The following DACH2 variants were observed in gnomAD, a reference collection of about 807,000 sequenced individuals.
DACH2 encodes the protein dachshund family transcription factor 2.
A neutral mutation model predicts 35.8 loss-of-function variants in DACH2; 17 were observed. The ratio of observed to expected loss-of-function variants is 0.48; its 90% CI spans 0.33 to 0.71. DACH2 has a LOEUF of 0.71. Among genes scored for constraint, DACH2 ranks in the 30% least tolerant of loss-of-function variants. The pLI is 0.02. For missense variants in DACH2, 469 were observed against 472.7 expected, an observed-to-expected ratio of 0.99 and a Z score of 0.07; for synonymous variants, 195 against 177.3, an observed-to-expected ratio of 1.10 and a Z score of -0.79.
At chrX:86,596,136 ATT>A (rs959117669) in intron 3 of DACH2, among the ~76,000 whole-genome samples, 1 of 112,172 alleles carries the variant, frequency 8.9e-6, no homozygotes, top group African/African-American at 3.2e-5. Context: ...ATACAGATAT[ATT>A]ACAATTTTTT....
intron 4 of DACH2, among the ~76,000 whole-genome samples, chrX:86,661,850 G>A (rs775527089): frequency 8.9e-6 from 1 of 111,910 alleles, no homozygotes; most frequent in South Asian, 3.7e-4. Flanking sequence ...GCATTTCCTG[G>A]ATACTCTGCA....
Position 86,621,405 on chromosome X carries a change from G to A in DACH2, c.641-29631G>A, listed in dbSNP as rs895031917. On this transcript the variant is annotated intron_variant, in intron 3 of 11. Coordinates refer to ENST00000373125, the MANE Select transcript of DACH2 (RefSeq NM_053281.3). ...GCATGAATTATCCAGACAAGTGCTT[G>A]ATAAATTAAGTGGTATAACTCTTCC... is the stretch of plus-strand genomic sequence containing the variant. Among the ~76,000 whole-genome samples the A allele has an allele frequency of 3.1e-4, 34 of 111,202 alleles. 1 individual carries two copies. The highest frequency in any genetic ancestry group is 1.0e-3 in the African/African-American group (31 of 30,660).
intron 7 of DACH2, among the ~76,000 whole-genome samples, chrX:86,778,762 C>T (rs1222239694): frequency 1.8e-5 from 2 of 110,469 alleles, no homozygotes; most frequent in Non-Finnish European, 3.8e-5. Flanking sequence ...AGGCACCTGC[C>T]ACTGCACCCA....
At chrX:86,546,342 T>TTCC (rs1569435601) in intron 3 of DACH2, among the ~76,000 whole-genome samples, 1 of 81,898 alleles carries the variant, frequency 1.2e-5, no homozygotes, top group Non-Finnish European at 2.2e-5. Flanking sequence ...CTTCTTCCTC[T>TTCC]TCTTCTTCTT....
intron 1 of DACH2, among the ~76,000 whole-genome samples, chrX:86,329,278 GA>G (rs369627442): frequency 0.015 from 1,606 of 109,270 alleles, 24 homozygotes; most frequent in African/African-American, 0.049. Flanking sequence ...TATGAAGGGG[GA>G]AAAAAAAATG....
In DACH2 at chrX:86,722,736, A is replaced by T. The variant is rs189212647; in HGVS notation, c.1104+8016A>T. Among the ~76,000 whole-genome samples the T allele has an allele frequency of 4.6e-3, 510 of 111,407 alleles. 3 individuals carry two copies. Among genetic ancestry groups the T allele is most frequent in the African/African-American group, 0.016 (483 of 30,710 alleles). ...TATCTTTTTGATGTGTTATTGACTT[A>T]ATTTATTAATATTTTGTTGAGGATA... On this transcript the variant is annotated intron_variant, in intron 6 of 11. Transcript: ENST00000373125.
At chrX:86,443,624 T>C (rs1323872797) in intron 2 of DACH2, among the ~76,000 whole-genome samples, 1 of 111,023 alleles carries the variant, frequency 9.0e-6, no homozygotes, top group Non-Finnish European at 1.9e-5. Context: ...CTTTTTGCCA[T>C]TGAGTATGAT....
At chrX:86,563,043 C>G (rs978152747) in intron 3 of DACH2, among the ~76,000 whole-genome samples, 8 of 110,739 alleles carry the variant, frequency 7.2e-5, no homozygotes, top group Admixed American at 1.9e-4. Flanking sequence ...TTTTGCTGCA[C>G]TAGACTTAGA....
intron 7 of DACH2, among the ~76,000 whole-genome samples, chrX:86,760,402 TTTTC>T (rs750498611): frequency 1.8e-5 from 2 of 112,215 alleles, no homozygotes; most frequent in Admixed American, 9.5e-5. Context: ...TTCAATTCTT[TTTTC>T]TTTATTTTTG....
chrX:86,700,615 T>A, intron 5 of DACH2, among the ~76,000 whole-genome samples: 1 of 102,695 alleles, frequency 9.7e-6, no homozygotes, highest in Non-Finnish European at 2.0e-5. Context: ...CTAACAAAGA[T>A]ACAAAAGAGA....
chrX:86,445,029 A>G (rs2037236158), intron 2 of DACH2, among the ~76,000 whole-genome samples: 1 of 110,966 alleles, frequency 9.0e-6, no homozygotes, highest in Admixed American at 9.7e-5. Flanking sequence ...CAGGGGAAAG[A>G]CTTTCCCACT....
intron 2 of DACH2, among the ~76,000 whole-genome samples, chrX:86,440,461 T>C (rs1368520113): frequency 9.0e-6 from 1 of 111,638 alleles, no homozygotes; most frequent in Non-Finnish European, 1.9e-5. Context: ...GTTAGCATGG[T>C]ACAACTTATC....
At chrX:86,827,576 TTTGA>T (rs1223731425) in intron 11 of DACH2, among the ~76,000 whole-genome samples, 3 of 111,881 alleles carry the variant, frequency 2.7e-5, no homozygotes, top group African/African-American at 6.5e-5. Context: ...TAAATGAATA[TTTGA>T]TTAAGGGATA....
At chrX:86,573,042 C>T (rs2039391707) in intron 3 of DACH2, among the ~76,000 whole-genome samples, 2 of 110,929 alleles carry the variant, frequency 1.8e-5, no homozygotes, top group Non-Finnish European at 3.8e-5. Context: ...GGGCTTGGAG[C>T]ATTTATCTCT....
At chrX:86,173,537 A>G (rs1485289419) in intron 1 of DACH2, among the ~76,000 whole-genome samples, 1 of 111,521 alleles carries the variant, frequency 9.0e-6, no homozygotes, top group African/African-American at 3.3e-5. Context: ...AAGTGTCTCA[A>G]ACTGAGAGAA....
intron 1 of DACH2, among the ~76,000 whole-genome samples, chrX:86,256,213 G>A (rs2033516351): frequency 9.0e-6 from 1 of 111,064 alleles, no homozygotes; most frequent in African/African-American, 3.3e-5. Context: ...GATACTAATT[G>A]ATCTATATAT....
intron 7 of DACH2, among the ~76,000 whole-genome samples, chrX:86,761,314 G>T (rs183836292): frequency 9.0e-6 from 1 of 111,429 alleles, no homozygotes; most frequent in African/African-American, 3.3e-5. Flanking sequence ...CTGTTCCTGG[G>T]TTAGTTTGCT....
intron 3 of DACH2, among the ~76,000 whole-genome samples, chrX:86,570,661 G>C (rs5968945): frequency 0.25 from 27,772 of 108,925 alleles, 4,832 homozygotes; most frequent in African/African-American, 0.63. Flanking sequence ...GGGTTGACAG[G>C]TTCAGCAAAC....
At chrX:86,703,495 A>G (rs1569470277) in intron 5 of DACH2, among the ~76,000 whole-genome samples, 1 of 111,609 alleles carries the variant, frequency 9.0e-6, no homozygotes. Context: ...CTCTTCACTA[A>G]CAATATGATT....
Sources: gnomAD v4.1 joint callset for allele counts (sites outside exome capture counted in the v4.1 genomes callset) on GRCh38, gnomAD v4.1.1 for gene constraint, MANE v1.5 for transcripts, NCBI Gene and HGNC (gene_info 2026-07-23, HGNC 2026-07-21) for gene names.